The following CCDC138 variants were observed in gnomAD, a reference collection of about 807,000 sequenced individuals.
CCDC138 encodes the protein coiled-coil domain-containing protein 138.
In CCDC138, 66 loss-of-function variants were observed where a neutral mutation model predicts 82.3. That is an observed-to-expected ratio of 0.80 (90% CI 0.66 to 0.98). CCDC138 has a LOEUF of 0.98. CCDC138 is among the 50% of genes least tolerant of loss of function. CCDC138 has a pLI of 0.00. For missense variants in CCDC138, 816 were observed against 758.9 expected (o/e 1.08, Z -0.88); for synonymous variants, 297 against 265.4 (o/e 1.12, Z -1.16).
intron 10 of CCDC138, among the ~76,000 whole-genome samples, chr2:108,825,279 TTTG>T (rs1686366158): frequency 3.8e-5 from 1 of 26,268 alleles, no homozygotes; most frequent in African/African-American, 5.1e-5. Context: ...GGGTTTTTTG[TTTG>T]TTTGTTTGTT....
intron 2 of CCDC138, chr2:108,884,143 T>A (rs1430583525): frequency 6.6e-6 from 1 of 152,570 alleles, no homozygotes; most frequent in African/African-American, 2.4e-5. Flanking sequence ...GCTCAAGTGA[T>A]CCTTCTGCCT....
chr2:108,827,636 G>A (rs1479214865), intron 10 of CCDC138, among the ~76,000 whole-genome samples: 1 of 151,950 alleles, frequency 6.6e-6, no homozygotes, highest in Non-Finnish European at 1.5e-5. Context: ...CTAACACAGT[G>A]AAACCCCGTC....
intron 7 of CCDC138, among the ~76,000 whole-genome samples, chr2:108,809,285 C>T (rs1421759150): frequency 6.6e-6 from 1 of 152,094 alleles, no homozygotes; most frequent in East Asian, 1.9e-4. Context: ...CACAGGATCG[C>T]TTTCGCTTAT....
intron 10 of CCDC138, among the ~76,000 whole-genome samples, chr2:108,830,887 C>T (rs971356974): frequency 6.8e-6 from 1 of 147,154 alleles, no homozygotes; most frequent in Non-Finnish European, 1.5e-5. Flanking sequence ...TTGGCCAGGA[C>T]AACTTGGCCA....
chr2:108,847,108 T>G (rs1690630983), intron 12 of CCDC138, among the ~76,000 whole-genome samples, 178 bp downstream of exon 12: 1 of 152,254 alleles, frequency 6.6e-6, no homozygotes, highest in Non-Finnish European at 1.5e-5. Flanking sequence ...AATTGAAGTC[T>G]TTAGTTGGAT....
intron 6 of CCDC138, among the ~76,000 whole-genome samples, chr2:108,804,513 T>A (rs1001753854): frequency 6.6e-6 from 1 of 152,212 alleles, no homozygotes; most frequent in African/African-American, 2.4e-5. Context: ...TATAAAGCCA[T>A]AAATAGCTTA....
At chr2:108,787,035 G>A (rs1202978504) in intron 1 of CCDC138, 120 bp downstream of exon 1, 4 of 531,218 alleles carry the variant, frequency 7.5e-6, no homozygotes, top group South Asian at 8.6e-5. Flanking sequence ...CGGCACTCCC[G>A]CCGTGGCTGC....
chr2:108,837,199 G>A (rs148841652), intron 10 of CCDC138, among the ~76,000 whole-genome samples: 8 of 152,136 alleles, frequency 5.3e-5, no homozygotes, highest in African/African-American at 1.9e-4. Context: ...TTATTATATC[G>A]AGGTGGTTTC....
intron 5 of CCDC138, among the ~76,000 whole-genome samples, chr2:108,796,878 A>T (rs1241913013): frequency 1.3e-5 from 2 of 150,706 alleles, no homozygotes; most frequent in Admixed American, 1.3e-4. Context: ...ATACAGTTAG[A>T]TAGGAGTAAG....
chr2:108,839,075 C>G, intron 10 of CCDC138, 110 bp from the exon 11 acceptor site: 2 of 1,187,476 alleles, frequency 1.7e-6, no homozygotes, highest in Non-Finnish European at 1.1e-6. Context: ...TTGGAGAACT[C>G]TTTTGTTTTG....
At chr2:108,869,683 A>C (rs749036133) in intron 13 of CCDC138, among the ~76,000 whole-genome samples, 20 of 152,148 alleles carry the variant, frequency 1.3e-4, no homozygotes, top group Non-Finnish European at 2.5e-4. Flanking sequence ...AGCCAGAGGA[A>C]ACAAGAAAAA....
chr2:108,859,481 T>A (rs1031948512), intron 13 of CCDC138, among the ~76,000 whole-genome samples: 11 of 152,210 alleles, frequency 7.2e-5, no homozygotes, highest in Non-Finnish European at 1.6e-4. Context: ...CCTAGGCCAA[T>A]GTCCAGAAGA....
At chr2:108,868,932 A>G (rs1185720709) in intron 13 of CCDC138, among the ~76,000 whole-genome samples, 1 of 152,146 alleles carries the variant, frequency 6.6e-6, no homozygotes, top group Non-Finnish European at 1.5e-5. Context: ...TTTCTATTTG[A>G]TTAAGCTATA....
At chr2:108,823,419 C>A (rs1558678143) in intron 10 of CCDC138, among the ~76,000 whole-genome samples, 1 of 152,200 alleles carries the variant, frequency 6.6e-6, no homozygotes, top group African/African-American at 2.4e-5. Flanking sequence ...ACAGTACAGT[C>A]ATGTGTTGCT....
chr2:108,859,583 AT>A (rs1382578867), intron 13 of CCDC138, among the ~76,000 whole-genome samples: 3 of 150,980 alleles, frequency 2.0e-5, no homozygotes, highest in Non-Finnish European at 4.4e-5. Flanking sequence ...GTATATTGTG[AT>A]TTTCTTTGTT....
In CCDC138 at chr2:108,876,321, C is replaced by A; in HGVS notation, c.*68C>A. ...AAACATGTAGAAATTACCAAAGTAA[C>A]TACAATTCTACCAAGTAAAGTTATC... is the stretch of plus-strand genomic sequence containing the variant. On this transcript the variant is annotated 3_prime_UTR_variant, in exon 15 of 15. Transcript: ENST00000295124. 2 of 837,360 alleles carry A rather than the reference C, an allele frequency of 2.4e-6. No homozygotes were observed. Among genetic ancestry groups the A allele is most frequent in the Admixed American group, 2.6e-5 (1 of 38,614 alleles). 51.9% of individuals were successfully genotyped at this position (837,360 alleles called of 1,614,324 possible). A position where few individuals can be genotyped will look rare whatever the true frequency, so the allele number is the denominator to read the frequency against.
chr2:108,846,968 A>G, intron 12 of CCDC138, 38 bp downstream of exon 12: 1 of 1,123,936 alleles, frequency 8.9e-7, no homozygotes, highest in Non-Finnish European at 1.3e-6. Flanking sequence ...ATTTTGAGAA[A>G]CAATAGAGAA....
intron 10 of CCDC138, among the ~76,000 whole-genome samples, chr2:108,837,359 G>A (rs372130967): frequency 2.6e-5 from 4 of 152,138 alleles, no homozygotes; most frequent in East Asian, 1.9e-4. Flanking sequence ...ATGTTGAACC[G>A]TCCTTGCATT....
chr2:108,847,396 G>A (rs1379042575), intron 12 of CCDC138, among the ~76,000 whole-genome samples: 1 of 152,124 alleles, frequency 6.6e-6, no homozygotes, highest in Non-Finnish European at 1.5e-5. Flanking sequence ...GAGACTGTAT[G>A]GCCCCCCAAA....
Sources: allele counts gnomAD v4.1 joint callset (sites outside exome capture counted in the v4.1 genomes callset), GRCh38; gene constraint gnomAD v4.1.1; transcripts MANE v1.5; gene names NCBI Gene and HGNC (gene_info 2026-07-23, HGNC 2026-07-21).